The following BBX variants were observed in gnomAD, a reference collection of about 807,000 sequenced individuals.
BBX encodes BBX high mobility group box domain containing.
BBX carries 30 observed loss-of-function variants against 100.2 expected under a neutral mutation model. The observed-to-expected ratio is 0.30, with a 90% CI of 0.22 to 0.41. BBX has a LOEUF of 0.41. BBX is among the 10% of genes least tolerant of loss of function. The probability of loss-of-function intolerance (pLI) is 1.00; values close to 1 mark genes in which losing one functional copy is unlikely to be tolerated. For synonymous variants in BBX, 376 were observed against 388.1 expected (o/e 0.97, Z 0.37); for missense variants, 1,023 against 1,129.8 (o/e 0.91, Z 1.35).
intron 2 of BBX, among the ~76,000 whole-genome samples, chr3:107,610,489 C>T (rs1386567372): frequency 6.6e-6 from 1 of 152,002 alleles, no homozygotes; most frequent in African/African-American, 2.4e-5. Context: ...TTCTCTTTAG[C>T]TCTAATAATA....
At position 107,773,161 on chromosome 3, in the gene BBX, A is replaced by C; in HGVS notation, c.1440A>C (p.Glu480Asp). 1 of 1,614,160 alleles carries C rather than the reference A, an allele frequency of 6.2e-7. No homozygotes were observed. Among genetic ancestry groups the C allele is most frequent in the Non-Finnish European group, 8.5e-7 (1 of 1,180,014 alleles). The change falls in exon 11 of 18, where the codon GAA (glutamate) becomes GAC (aspartate). Residue 480 changes from glutamate (E) to aspartate (D), a missense_variant. Coordinates refer to ENST00000325805, the MANE Select transcript of BBX (RefSeq NM_001142568.3). This position sits in a 1 kb window ranked among gnomAD's most constrained non-coding sequence, Gnocchi z 4.1. ...KKTCKKRQSS[E>D]SDIESVIYTI... ...CTTGCAAAAAGAGGCAGTCTTCGGAATCTGACATTGAGAGCGTCATATATA... is the reference window on the plus strand; with the variant it reads ...CTTGCAAAAAGAGGCAGTCTTCGGACTCTGACATTGAGAGCGTCATATATA...
chr3:107,726,245 T>C (rs1035735448), intron 5 of BBX, among the ~76,000 whole-genome samples: 4 of 151,976 alleles, frequency 2.6e-5, no homozygotes, highest in African/African-American at 7.2e-5. Context: ...GAGCGAGTGA[T>C]TGATGAAGTG....
chr3:107,663,999 G>T (rs1414885780), intron 3 of BBX, among the ~76,000 whole-genome samples: 1 of 151,928 alleles, frequency 6.6e-6, no homozygotes, highest in African/African-American at 2.4e-5. Flanking sequence ...TAGAGACGAG[G>T]TTTCACCGTG....
chr3:107,756,773 G>T (rs1022122120), intron 10 of BBX, among the ~76,000 whole-genome samples: 1 of 152,030 alleles, frequency 6.6e-6, no homozygotes, highest in Non-Finnish European at 1.5e-5. Flanking sequence ...AAAATAGAGG[G>T]CTACAAGTGA....
intron 2 of BBX, among the ~76,000 whole-genome samples, chr3:107,595,403 G>A (rs886491372): frequency 6.6e-5 from 10 of 152,206 alleles, no homozygotes; most frequent in African/African-American, 2.4e-4. Context: ...CTTCTTGAAA[G>A]TGAAAGGTTT....
chr3:107,575,496 ATTGTCACCT>A (rs1406299248), intron 2 of BBX, among the ~76,000 whole-genome samples: 1 of 152,164 alleles, frequency 6.6e-6, no homozygotes, highest in Non-Finnish European at 1.5e-5. Context: ...TCCTGGCAAT[ATTGTCACCT>A]TTGTTGCCTA....
At chr3:107,555,618 G>A (rs184494895) in intron 2 of BBX, among the ~76,000 whole-genome samples, 24 of 152,234 alleles carry the variant, frequency 1.6e-4, no homozygotes, top group Admixed American at 5.2e-4. Flanking sequence ...TGTATCCCTC[G>A]GTTAGAAAGA....
intron 2 of BBX, among the ~76,000 whole-genome samples, chr3:107,572,674 T>C (rs2051458215): frequency 1.3e-5 from 2 of 152,194 alleles, no homozygotes; most frequent in Non-Finnish European, 2.9e-5. Flanking sequence ...ATATAAATTA[T>C]CAACCCTCAA....
At position 107,651,803 on chromosome 3, in the gene BBX, A is replaced by G. The variant is rs554229848; in HGVS notation, c.-10+5894A>G. 5.9e-5 allele frequency among the ~76,000 whole-genome samples: 9 copies of G among 152,058 alleles called. No homozygotes were observed. The East Asian group carries it at 1.7e-3, about 29-fold the overall frequency. Reference sequence around the variant, plus strand: ...TTTTTCCCCTTTTTTCTCTGACATCAGCTTCTAAATTAGGTAATGGATGCT... The same window carrying G: ...TTTTTCCCCTTTTTTCTCTGACATCGGCTTCTAAATTAGGTAATGGATGCT... On this transcript the variant is annotated intron_variant, in intron 3 of 17. Coordinates refer to ENST00000325805, the MANE Select transcript of BBX (RefSeq NM_001142568.3).
At chr3:107,784,456 GTT>G (rs2068215745) in intron 13 of BBX, among the ~76,000 whole-genome samples, 1 of 151,926 alleles carries the variant, frequency 6.6e-6, no homozygotes, top group African/African-American at 2.4e-5. Context: ...TACAGAGTGT[GTT>G]CTCTGACCAT....
intron 3 of BBX, among the ~76,000 whole-genome samples, chr3:107,675,963 TG>T (rs2059260590): frequency 1.3e-5 from 2 of 152,144 alleles, no homozygotes; most frequent in South Asian, 4.1e-4. Context: ...CAGTGACAAA[TG>T]GAGAATTTTC....
intron 3 of BBX, among the ~76,000 whole-genome samples, chr3:107,647,124 A>G (rs937465757): frequency 3.9e-5 from 6 of 152,174 alleles, no homozygotes; most frequent in Non-Finnish European, 8.8e-5. Flanking sequence ...GAACTTAAGA[A>G]TGTCAGCCAG....
At chr3:107,645,567 G>A (rs1202882552) in intron 2 of BBX, among the ~76,000 whole-genome samples, 2 of 152,200 alleles carry the variant, frequency 1.3e-5, no homozygotes, top group African/African-American at 2.4e-5. Flanking sequence ...GTTATTGCCC[G>A]TGATTAATTC....
At chr3:107,705,089 G>C (rs74329571) in intron 3 of BBX, among the ~76,000 whole-genome samples, 1,616 of 152,148 alleles carry the variant, frequency 0.011, 19 homozygotes, top group African/African-American at 0.036. Context: ...ATGAAAGCAG[G>C]TGGGTCCAAT....
At chr3:107,764,902 C>T (rs1334856507) in intron 10 of BBX, among the ~76,000 whole-genome samples, 1 of 152,226 alleles carries the variant, frequency 6.6e-6, no homozygotes, top group East Asian at 1.9e-4. Context: ...TTTGTAAACC[C>T]CACTACAGTG....
At chr3:107,686,941 TTG>T (rs1289624462) in intron 3 of BBX, among the ~76,000 whole-genome samples, 1 of 152,154 alleles carries the variant, frequency 6.6e-6, no homozygotes. Flanking sequence ...ATGCACTGAA[TTG>T]TGTCTAAAAT....
At chr3:107,801,315 T>G in intron 17 of BBX, 34 bp downstream of exon 17, 2 of 1,599,584 alleles carry the variant, frequency 1.3e-6, no homozygotes, top group Non-Finnish European at 1.7e-6. Context: ...GAAAGCAACA[T>G]GGAAACCAGA....
chr3:107,689,524 G>A (rs2060027687), intron 3 of BBX, among the ~76,000 whole-genome samples: 1 of 152,206 alleles, frequency 6.6e-6, no homozygotes, highest in South Asian at 2.1e-4. Flanking sequence ...CGGGCTGTCA[G>A]TCATAACGAC....
intron 10 of BBX, among the ~76,000 whole-genome samples, chr3:107,760,644 A>C (rs180733912): frequency 1.4e-4 from 21 of 152,344 alleles, no homozygotes; most frequent in African/African-American, 5.1e-4. Flanking sequence ...ACACACAAAA[A>C]TGAATGTGTG....
Sources: gnomAD v4.1 joint callset for allele counts (sites outside exome capture counted in the v4.1 genomes callset) on GRCh38, gnomAD v4.1.1 for gene constraint, Gnocchi (gnomAD v3.1) non-coding constraint, MANE v1.5 for transcripts, NCBI Gene and HGNC (gene_info 2026-07-23, HGNC 2026-07-21) for gene names.